Variants in LUC7L observed in about 807,000 individuals in gnomAD.
LUC7L encodes putative RNA-binding protein Luc7-like 1.
A neutral mutation model predicts 51.1 loss-of-function variants in LUC7L; 29 were observed. The observed-to-expected ratio is 0.57, with a 90% confidence interval of 0.42 to 0.77. The LOEUF is 0.77. Among genes scored for constraint, LUC7L ranks in the 30% least tolerant of loss-of-function variants. The pLI is 0.00. For synonymous variants in LUC7L, 181 were observed against 180.7 expected (o/e 1.00, Z -0.01); for missense variants, 403 against 511.9 (o/e 0.79, Z 2.05).
chr16:224,039 C>G (rs1447087405), intron 2 of LUC7L, among the ~76,000 whole-genome samples: 1 of 152,020 alleles, frequency 6.6e-6, no homozygotes, highest in Non-Finnish European at 1.5e-5. Flanking sequence ...ACAAACTAAG[C>G]ATTGTAGCTG....
intron 2 of LUC7L, 46 bp downstream of exon 2, chr16:227,196 G>A: frequency 6.8e-7 from 1 of 1,478,364 alleles, no homozygotes; most frequent in Non-Finnish European, 9.4e-7. Flanking sequence ...TGCCTATACA[G>A]CACTCATGTC....
At chr16:193,932 T>G (rs900238259) in intron 6 of LUC7L, among the ~76,000 whole-genome samples, 11 of 147,288 alleles carry the variant, frequency 7.5e-5, no homozygotes, top group Non-Finnish European at 1.5e-4. Context: ...GCCTCCGGAG[T>G]AGCTGGGATT....
Position 225,393 on chromosome 16 carries a change from AGAGAAT to A in LUC7L, c.156+1843_156+1848del, listed in dbSNP as rs201394674. 8.8e-3 allele frequency among the ~76,000 whole-genome samples: 1,327 copies of A among 151,316 alleles called. 14 individuals carry two copies. Among genetic ancestry groups the A allele is most frequent in the African/African-American group, 0.031 (1,278 of 41,326 alleles). ...CCCAGCTACTCGGGAGGCTGAGGCAAGAGAATGGCTTGAACCTGGGAGGCAGAGGTT... is the reference window on the plus strand; with the variant it reads ...CCCAGCTACTCGGGAGGCTGAGGCAAGGCTTGAACCTGGGAGGCAGAGGTT... On this transcript the variant is annotated intron_variant, in intron 2 of 9. Transcript: ENST00000293872.
intron 1 of LUC7L, chr16:229,058 G>A (rs1429120860): frequency 2.8e-6 from 4 of 1,419,056 alleles, no homozygotes. Flanking sequence ...CCCCATCCAT[G>A]GCGCAGACTC....
At chr16:217,799 G>A (rs1044737077) in intron 3 of LUC7L, among the ~76,000 whole-genome samples, 2 of 151,918 alleles carry the variant, frequency 1.3e-5, no homozygotes, top group Non-Finnish European at 1.5e-5. Context: ...AACACTTTGG[G>A]AGGCCAAGGC....
chr16:221,538 C>T (rs1030057468), intron 2 of LUC7L, among the ~76,000 whole-genome samples: 1 of 151,920 alleles, frequency 6.6e-6, no homozygotes, highest in Non-Finnish European at 1.5e-5. Context: ...CCAGTCTCCA[C>T]TAAAACTACA....
At chr16:192,870 C>A (rs770669679) in intron 7 of LUC7L, 57 bp downstream of exon 7, 17 of 1,432,490 alleles carry the variant, frequency 1.2e-5, no homozygotes, top group East Asian at 6.8e-5. Context: ...TGGAATGGAC[C>A]GAGCAGGGAA....
At chr16:189,788 C>A (rs1246518478) in intron 9 of LUC7L, 180 bp downstream of exon 9, 1 of 1,420,130 alleles carries the variant, frequency 7.0e-7, no homozygotes, top group Non-Finnish European at 9.2e-7. Flanking sequence ...TGGCGCCGTG[C>A]GAGCTCCTCC....
intron 3 of LUC7L, among the ~76,000 whole-genome samples, chr16:210,766 T>C (rs1362379894): frequency 6.6e-6 from 1 of 152,140 alleles, no homozygotes; most frequent in East Asian, 1.9e-4. Context: ...AAAAACTAAA[T>C]GGTGGCCGGG....
At chr16:219,568 A>G (rs936809814) in intron 3 of LUC7L, among the ~76,000 whole-genome samples, 1 of 151,966 alleles carries the variant, frequency 6.6e-6, no homozygotes, top group Non-Finnish European at 1.5e-5. Flanking sequence ...AACAGAGTGA[A>G]ACTCTGTATC....
chr16:197,038 G>A (rs2049169513), intron 6 of LUC7L, among the ~76,000 whole-genome samples: 1 of 150,250 alleles, frequency 6.7e-6, no homozygotes, highest in Admixed American at 6.7e-5. Context: ...CTCCCGAGTA[G>A]CTGGGACTAC....
intron 1 of LUC7L, chr16:228,623 A>G (rs1296098363): frequency 5.9e-6 from 7 of 1,185,564 alleles, no homozygotes; most frequent in Non-Finnish European, 7.4e-6. Context: ...GCAGGTATAT[A>G]GTTTTGCAAA....
At chr16:219,312 C>G (rs2142105728) in intron 3 of LUC7L, among the ~76,000 whole-genome samples, 1 of 152,192 alleles carries the variant, frequency 6.6e-6, no homozygotes, top group Middle Eastern at 3.4e-3. Context: ...TCACTTGAAC[C>G]AGGGAGTCGG....
intron 6 of LUC7L, among the ~76,000 whole-genome samples, chr16:196,790 G>C (rs1452687128): frequency 6.6e-6 from 1 of 151,872 alleles, no homozygotes; most frequent in Admixed American, 6.6e-5. Flanking sequence ...GCCTCCCAAA[G>C]TGCTGGGATT....
intron 1 of LUC7L, chr16:228,776 T>C (rs1174798199): frequency 7.8e-7 from 1 of 1,283,892 alleles, no homozygotes; most frequent in Admixed American, 2.3e-5. Flanking sequence ...GAAAAGTACT[T>C]GGCAGAAACC....
chr16:228,341 G>A, intron 1 of LUC7L: 3 of 1,304,110 alleles, frequency 2.3e-6, no homozygotes, highest in Non-Finnish European at 3.0e-6. Flanking sequence ...ACGGCTCGAT[G>A]AACATGAGGC....
At chr16:218,381 T>C (rs534149960) in intron 3 of LUC7L, among the ~76,000 whole-genome samples, 74 of 152,256 alleles carry the variant, frequency 4.9e-4, no homozygotes, top group African/African-American at 1.8e-3. Flanking sequence ...ATACTAGCGA[T>C]GGGTGATTAG....
intron 3 of LUC7L, chr16:208,412 G>A: frequency 6.9e-6 from 3 of 435,874 alleles, no homozygotes; most frequent in Non-Finnish European, 1.2e-5. Flanking sequence ...CTTCTCATTT[G>A]ATTTACTTAT....
At position 227,317 on chromosome 16, in the gene LUC7L, CCT is replaced by C; in HGVS notation, c.79_80del (p.Arg27GlyfsTer6). ...AGACACGGTCATCTGTAAACTTGAC[CCT>C]CTGTCTGGTTTCGTCTCCTGAAATT... ...TARDGDETRQ[R>X]VKFTDDRVCK... is the part of the protein sequence containing the mutation. On this transcript the variant is annotated frameshift_variant, in exon 2 of 10. Coordinates refer to ENST00000293872, the MANE Select transcript of LUC7L (RefSeq NM_201412.3). LOFTEE classifies it high-confidence loss of function. 1 of 1,610,222 alleles carries C rather than the reference CCT, an allele frequency of 6.2e-7. No homozygotes were observed. Among genetic ancestry groups the C allele is most frequent in the East Asian group, 2.2e-5 (1 of 44,858 alleles).
Sources: gnomAD v4.1 joint callset for allele counts (sites outside exome capture counted in the v4.1 genomes callset) on GRCh38, gnomAD v4.1.1 for gene constraint, MANE v1.5 for transcripts, NCBI Gene and HGNC (gene_info 2026-07-23, HGNC 2026-07-21) for gene names.